Variants in PPP6R3 observed in about 807,000 individuals in gnomAD.
PPP6R3 encodes the protein protein phosphatase 6 regulatory subunit 3, also known as serine/threonine-protein phosphatase 6 regulatory subunit 3.
Under a neutral mutation model 110.7 loss-of-function variants are expected in PPP6R3, and 38 were observed. That is an observed-to-expected ratio of 0.34 (90% CI 0.26 to 0.45). The LOEUF is 0.45. Ranked by LOEUF, PPP6R3 falls within the 20% of genes least tolerant of loss-of-function variation. The pLI is 1.00. For synonymous variants in PPP6R3, 369 were observed against 373.5 expected (o/e 0.99, Z 0.14); for missense variants, 870 against 1,062.4 (o/e 0.82, Z 2.52).
intron 5 of PPP6R3, among the ~76,000 whole-genome samples, chr11:68,550,672 C>A (rs940309563): frequency 6.6e-6 from 1 of 152,188 alleles, no homozygotes; most frequent in East Asian, 1.9e-4. Context: ...CCCATTTGTT[C>A]ATCCTGTGTT....
At chr11:68,506,414 CAAAAAAAAAAAAAAAAAAAAAAAA>C (rs67739319) in intron 1 of PPP6R3, among the ~76,000 whole-genome samples, 81 of 46,084 alleles carry the variant, frequency 1.8e-3, no homozygotes, top group African/African-American at 4.9e-3. Context: ...CCTTTATACT[CAAAAAAAAAAAAAAAAAAAAAAAA>C]AAAAAAAAAA....
In PPP6R3 at chr11:68,556,297, A is replaced by G. The variant is rs74363797; in HGVS notation, c.731+2040A>G. Among the ~76,000 whole-genome samples the G allele has an allele frequency of 9.9e-3, 1,512 of 152,306 alleles. 27 individuals carry two copies. Among genetic ancestry groups the G allele is most frequent in the African/African-American group, 0.035 (1,439 of 41,556 alleles). On this transcript the variant is annotated intron_variant, in intron 7 of 23. Coordinates refer to ENST00000393800, the MANE Select transcript of PPP6R3 (RefSeq NM_001164161.2). ...GATGCTAAAGAGCAGGTACCAAGAA[A>G]TCTCAGAAAGCGGACTGAAGTGTTA...
chr11:68,613,332 GTA>G lies in PPP6R3; in HGVS notation c.*217_*218del, dbSNP rs1426916407. 2 of 1,336,756 alleles carry G rather than the reference GTA, an allele frequency of 1.5e-6. No individual in the cohort carries two copies. Among genetic ancestry groups the G allele is most frequent in the African/African-American group, 3.0e-5 (2 of 66,870 alleles). 82.8% of individuals were successfully genotyped at this position (1,336,756 alleles called of 1,614,324 possible). A position where few individuals can be genotyped will look rare whatever the true frequency, so the allele number is the denominator to read the frequency against. On this transcript the variant is annotated 3_prime_UTR_variant, in exon 24 of 24. Transcript: ENST00000393800. ...ATTGACAAATACCAAGAATTTTTGC[GTA>G]TGTTTATATTGTATTGTTCTAAATA...
chr11:68,544,329 T>C (rs1350998217), intron 3 of PPP6R3, among the ~76,000 whole-genome samples: 1 of 152,258 alleles, frequency 6.6e-6, no homozygotes, highest in Non-Finnish European at 1.5e-5. Flanking sequence ...AGATGTAATA[T>C]AGACTTAGTA....
chr11:68,608,384 C>T (rs1030731297), intron 22 of PPP6R3, among the ~76,000 whole-genome samples: 1 of 152,230 alleles, frequency 6.6e-6, no homozygotes, highest in African/African-American at 2.4e-5. Context: ...TCTTCTTACA[C>T]GAGCAGCAGT....
intron 18 of PPP6R3, 54 bp downstream of exon 18, chr11:68,591,760 T>G: frequency 6.4e-7 from 1 of 1,552,942 alleles, no homozygotes; most frequent in Non-Finnish European, 8.7e-7. Flanking sequence ...AAGAAAATGA[T>G]TATCATGAGA....
chr11:68,480,686 C>G (rs978926690), intron 1 of PPP6R3, among the ~76,000 whole-genome samples: 1 of 152,066 alleles, frequency 6.6e-6, no homozygotes, highest in Non-Finnish European at 1.5e-5. Flanking sequence ...TTGGATTATT[C>G]TTTTGGTGTC....
Position 68,569,868 on chromosome 11 carries a change from T to C in PPP6R3, c.1249T>C (p.Ser417Pro), listed in dbSNP as rs915551544. 1.2e-6 allele frequency: 2 copies of C among 1,610,586 alleles called. No individual in the cohort carries two copies. Among genetic ancestry groups the C allele is most frequent in the African/African-American group, 2.7e-5 (2 of 74,978 alleles). Residue 417 changes from serine to proline, a missense_variant, in exon 11 of 24, where the codon TCC (serine) becomes CCC (proline). Ser to Pro is a moderately conservative substitution (Grantham distance 74). Coordinates refer to ENST00000393800, the MANE Select transcript of PPP6R3 (RefSeq NM_001164161.2). ...AAATGCCACAATTACCGATCAAGACTCCACTGGTGATAATTTGTTATTAAA... is the reference window on the plus strand; with the variant it reads ...AAATGCCACAATTACCGATCAAGACCCCACTGGTGATAATTTGTTATTAAA... Reference protein sequence around the residue: ...TENATITDQDSTGDNLLLKHL... With the variant: ...TENATITDQDPTGDNLLLKHL...
intron 2 of PPP6R3, among the ~76,000 whole-genome samples, chr11:68,526,074 C>T (rs1359002809): frequency 6.6e-6 from 1 of 152,108 alleles, no homozygotes; most frequent in Non-Finnish European, 1.5e-5. Context: ...AATAGCCATG[C>T]CAGTCATAAC....
At chr11:68,605,981 T>A (rs1032690772) in intron 22 of PPP6R3, among the ~76,000 whole-genome samples, 7 of 152,184 alleles carry the variant, frequency 4.6e-5, no homozygotes, top group African/African-American at 1.7e-4. Context: ...CAAAACCAGA[T>A]AAAGATAATT....
intron 1 of PPP6R3, among the ~76,000 whole-genome samples, chr11:68,489,102 T>G (rs2098967212): frequency 6.6e-6 from 1 of 150,518 alleles, no homozygotes. Context: ...CACTACAAGC[T>G]CTGCCTCCTG....
chr11:68,570,930 A>T, intron 11 of PPP6R3, 110 bp from the exon 12 acceptor site: 1 of 1,344,042 alleles, frequency 7.4e-7, no homozygotes, highest in Non-Finnish European at 9.9e-7. Flanking sequence ...AGTAACATTT[A>T]GCTTGCTAGA....
chr11:68,605,198 A>C (rs1938892328), intron 22 of PPP6R3, among the ~76,000 whole-genome samples: 1 of 151,994 alleles, frequency 6.6e-6, no homozygotes, highest in South Asian at 2.1e-4. Flanking sequence ...AAATTAGCTG[A>C]GTGTGGTGGT....
At chr11:68,500,785 T>A (rs751795328) in intron 1 of PPP6R3, among the ~76,000 whole-genome samples, 1 of 152,216 alleles carries the variant, frequency 6.6e-6, no homozygotes, top group Non-Finnish European at 1.5e-5. Context: ...CTAAAACTTT[T>A]ATCTGAAAAT....
At chr11:68,605,785 ACTGT>A (rs1319087219) in intron 22 of PPP6R3, among the ~76,000 whole-genome samples, 2 of 152,224 alleles carry the variant, frequency 1.3e-5, no homozygotes, top group East Asian at 1.9e-4. Flanking sequence ...CAAACAAGCA[ACTGT>A]CTGTGGAGGA....
intron 19 of PPP6R3, among the ~76,000 whole-genome samples, chr11:68,599,540 G>A (rs1267117393): frequency 3.3e-5 from 5 of 152,264 alleles, no homozygotes; most frequent in Non-Finnish European, 5.9e-5. Flanking sequence ...CAGAATGGGC[G>A]AAGTGCAGTC....
chr11:68,517,921 G>C (rs1341372813), intron 1 of PPP6R3, among the ~76,000 whole-genome samples: 1 of 149,066 alleles, frequency 6.7e-6, no homozygotes, highest in Non-Finnish European at 1.5e-5. Context: ...CTGGGCGAGA[G>C]AGCAAGACCC....
In PPP6R3 at chr11:68,614,738, C is replaced by A. The variant is rs1944894560; in HGVS notation, c.*1621C>A. The A allele has an allele frequency of 6.5e-6, 10 of 1,535,130 alleles. No homozygotes were observed. The highest frequency in any genetic ancestry group is 8.8e-6 in the Non-Finnish European group (10 of 1,137,296). ...CTTTGCACGCCTCCTCAGGAACCCC[C>A]TTTCCCGGGTGAGCCCCTCTCTGAA... On this transcript the variant is annotated 3_prime_UTR_variant, in exon 24 of 24. Coordinates refer to ENST00000393800, the MANE Select transcript of PPP6R3 (RefSeq NM_001164161.2).
At position 68,558,635 on chromosome 11, in the gene PPP6R3, T is replaced by A; in HGVS notation, c.801T>A (p.Ser267Arg). The change falls in exon 8 of 24, where the codon AGT becomes AGA. Residue 267 changes from serine (S) to arginine (R), a missense_variant. Transcript: ENST00000393800. ...AGAAAAATGAGTCAGCCATAGTCAG[T>A]GCAATCCAGATATTGCTGACTTTAC... ...HKEKNESAIVSAIQILLTLLE... is the reference protein window; with the variant it reads ...HKEKNESAIVRAIQILLTLLE... 6.2e-7 allele frequency: 1 copy of A among 1,613,484 alleles called. No individual in the cohort carries two copies. The highest frequency in any genetic ancestry group is 1.7e-5 in the Admixed American group (1 of 59,878).
Sources: gnomAD v4.1 joint callset for allele counts (sites outside exome capture counted in the v4.1 genomes callset) on GRCh38, gnomAD v4.1.1 for gene constraint, MANE v1.5 for transcripts, NCBI Gene and HGNC (gene_info 2026-07-23, HGNC 2026-07-21) for gene names.